Variants in UBQLN1 observed in about 807,000 individuals in gnomAD.
UBQLN1 encodes the protein ubiquilin-1.
Under a neutral mutation model 65.4 loss-of-function variants are expected in UBQLN1, and 13 were observed. The observed-to-expected ratio is 0.20, with a 90% CI of 0.13 to 0.32. The LOEUF (loss-of-function observed/expected upper bound fraction) is 0.32. Among genes scored for constraint, UBQLN1 ranks in the 10% least tolerant of loss-of-function variants. UBQLN1 has a pLI of 1.00. For missense variants in UBQLN1, 561 were observed against 724.0 expected, an observed-to-expected ratio of 0.77 and a Z score of 2.58; for synonymous variants, 267 against 247.8, an observed-to-expected ratio of 1.08 and a Z score of -0.73.
intron 2 of UBQLN1, among the ~76,000 whole-genome samples, chr9:83,684,335 C>T (rs1832001561): frequency 1.3e-5 from 2 of 151,780 alleles, no homozygotes; most frequent in African/African-American, 2.4e-5. Flanking sequence ...GCTGGGACTA[C>T]AGGTGCACAC....
chr9:83,688,655 G>A (rs1832078472), intron 1 of UBQLN1, among the ~76,000 whole-genome samples: 1 of 151,886 alleles, frequency 6.6e-6, no homozygotes, highest in Non-Finnish European at 1.5e-5. Flanking sequence ...CAGGTCAGGA[G>A]ATAGAGAACA....
chr9:83,703,722 C>T (rs1832350260), intron 1 of UBQLN1, among the ~76,000 whole-genome samples: 1 of 152,058 alleles, frequency 6.6e-6, no homozygotes, highest in African/African-American at 2.4e-5. Context: ...CTGAGTGCTC[C>T]GTGAATAATA....
At chr9:83,682,888 A>T in intron 3 of UBQLN1, 63 bp downstream of exon 3, 2 of 826,326 alleles carry the variant, frequency 2.4e-6, no homozygotes, top group Non-Finnish European at 3.7e-6. Context: ...TTTATCTGAA[A>T]CTACCCAGGA....
Position 83,677,549 on chromosome 9 carries a change from C to T in UBQLN1, c.1105+178G>A, listed in dbSNP as rs185456924. Among the ~76,000 whole-genome samples, 35 of 151,468 alleles carry T rather than the reference C, an allele frequency of 2.3e-4. No homozygotes were observed. In the East Asian group the frequency reaches 6.4e-3, roughly 28 times the overall value. ...TGTACTCCAGCCTGTGCAACAAGAG[C>T]GAAGCTCTATCTCAAAAAAACAAAA... is the stretch of plus-strand genomic sequence containing the variant. On this transcript the variant is annotated intron_variant, in intron 6 of 10. Coordinates refer to ENST00000376395, the MANE Select transcript of UBQLN1 (RefSeq NM_013438.5).
At chr9:83,679,684 A>G in intron 4 of UBQLN1, 91 bp downstream of exon 4, 1 of 1,381,716 alleles carries the variant, frequency 7.2e-7, no homozygotes, top group Non-Finnish European at 9.9e-7. Context: ...TAGCTTAACC[A>G]TACATACAGG....
At chr9:83,700,032 G>A (rs79937729) in intron 1 of UBQLN1, among the ~76,000 whole-genome samples, 2,928 of 152,130 alleles carry the variant, frequency 0.019, 47 homozygotes, top group South Asian at 0.036. Context: ...CCTGAAGAAC[G>A]GGTTGATAAA....
At chr9:83,699,278 AAATTG>A (rs1026053081) in intron 1 of UBQLN1, among the ~76,000 whole-genome samples, 1 of 152,342 alleles carries the variant, frequency 6.6e-6, no homozygotes, top group African/African-American at 2.4e-5. Context: ...CACTATTGAA[AAATTG>A]ACTTCAGTCC....
chr9:83,677,985 C>G (rs764453039), intron 5 of UBQLN1, 24 bp from the exon 6 acceptor site: 15 of 1,473,682 alleles, frequency 1.0e-5, no homozygotes, highest in Non-Finnish European at 1.4e-5. Context: ...CATAAAAAAT[C>G]ACAAAGAATA....
chr9:83,707,697 C>T lies in UBQLN1; in HGVS notation c.-18G>A, dbSNP rs1564176435. On this transcript the variant is annotated 5_prime_UTR_variant, in exon 1 of 11. Coordinates refer to ENST00000376395, the MANE Select transcript of UBQLN1 (RefSeq NM_013438.5). ...TCGGCCATGGCTGTGGCGGCGGCGGCGGCGGTGACTCAGGCAAGCAGGAGG... is the reference window on the plus strand; with the variant it reads ...TCGGCCATGGCTGTGGCGGCGGCGGTGGCGGTGACTCAGGCAAGCAGGAGG... 2 of 1,523,690 alleles carry T rather than the reference C, an allele frequency of 1.3e-6. No homozygotes were observed. Among genetic ancestry groups the T allele is most frequent in the Non-Finnish European group, 8.8e-7 (1 of 1,141,742 alleles). The allele number at this position is 1,523,690 out of a possible 1,614,324, so 94.4% of individuals were successfully genotyped here.
chr9:83,700,141 G>C (rs1012600763), intron 1 of UBQLN1, among the ~76,000 whole-genome samples: 2 of 152,138 alleles, frequency 1.3e-5, no homozygotes, highest in African/African-American at 2.4e-5. Context: ...AAAAGAAATG[G>C]ATAGCTATTC....
At chr9:83,680,601 G>A (rs994840428) in intron 3 of UBQLN1, among the ~76,000 whole-genome samples, 13 of 152,102 alleles carry the variant, frequency 8.5e-5, no homozygotes, top group African/African-American at 2.7e-4. Context: ...AGGGTTGTGC[G>A]CTGAGGAAAC....
chr9:83,667,875 T>G, intron 7 of UBQLN1: 2 of 976,210 alleles, frequency 2.0e-6, no homozygotes, highest in Non-Finnish European at 2.4e-6. Context: ...CTAAATTATC[T>G]GTAATAAAAG....
chr9:83,679,970 CTG>C lies in UBQLN1; in HGVS notation c.514_515del (p.Gln172GlufsTer10). 1 of 1,614,134 alleles carries C rather than the reference CTG, an allele frequency of 6.2e-7. No homozygotes were observed. The highest frequency in any genetic ancestry group is 8.5e-7 in the Non-Finnish European group (1 of 1,180,008). On this transcript the variant is annotated frameshift_variant, in exon 4 of 11. Coordinates refer to ENST00000376395, the MANE Select transcript of UBQLN1 (RefSeq NM_013438.5). LOFTEE classifies it high-confidence loss of function. ...ACAAAAGTTGTCGCTGCATCTGACT[CTG>C]TAGTTCAGAGAAGTTGGTAGTATTC... ...GLNTTNFSEL[Q>X]SQMQRQLLSN... is the part of the protein sequence containing the mutation.
In UBQLN1 at chr9:83,707,603, G is replaced by C. The variant is rs1832435901; in HGVS notation, c.77C>G (p.Pro26Arg). The change falls in exon 1 of 11, where the codon CCC becomes CGC. Residue 26 changes from proline (P) to arginine (R), a missense_variant. This residue lies in a region of UBQLN1 where 101 missense variants were observed against 104.9 expected (regional missense o/e 0.96). Transcript: ENST00000376395. ...GGGCTCCGCGGAGGCAGCGGCCGCGGGGGCGCCAGCACCTTCGGCTCCGGC... is the reference window on the plus strand; with the variant it reads ...GGGCTCCGCGGAGGCAGCGGCCGCGCGGGCGCCAGCACCTTCGGCTCCGGC... ...SAAGAEGAGA[P>R]AAAASAEPKI... The C allele has an allele frequency of 1.9e-6, 3 of 1,598,818 alleles. No individual in the cohort carries two copies. The highest frequency in any genetic ancestry group is 1.7e-6 in the Non-Finnish European group (2 of 1,173,386).
intron 4 of UBQLN1, 142 bp from the exon 5 acceptor site, chr9:83,678,741 G>C: frequency 3.3e-6 from 3 of 917,114 alleles, no homozygotes; most frequent in Non-Finnish European, 4.9e-6. Context: ...TTTTGAGACG[G>C]AGTCTTGCTT....
chr9:83,698,815 A>C (rs1260183586), intron 1 of UBQLN1, among the ~76,000 whole-genome samples: 1 of 152,020 alleles, frequency 6.6e-6, no homozygotes, highest in East Asian at 1.9e-4. Flanking sequence ...TGGGGGGCTA[A>C]GGCAGGAGGA....
intron 10 of UBQLN1, among the ~76,000 whole-genome samples, chr9:83,662,946 T>C (rs564096010): frequency 1.3e-5 from 2 of 151,968 alleles, no homozygotes; most frequent in East Asian, 1.9e-4. Flanking sequence ...TGTGGTGGTC[T>C]GCGCCTGTAA....
Position 83,666,349 on chromosome 9 carries a change from C to T in UBQLN1, c.1332+1G>A. The T allele has an allele frequency of 1.2e-6, 2 of 1,613,648 alleles. No individual in the cohort carries two copies. The highest frequency in any genetic ancestry group is 1.7e-6 in the Non-Finnish European group (2 of 1,179,650). Reference sequence around the variant, plus strand: ...GATAGCTAACATCTTGTCTTACTCACTTGTTGGAGGAAAGTTGGGAGCTGT... The same window carrying T: ...GATAGCTAACATCTTGTCTTACTCATTTGTTGGAGGAAAGTTGGGAGCTGT... On this transcript the variant is annotated splice_donor_variant, in intron 8 of 10. Coordinates refer to ENST00000376395, the MANE Select transcript of UBQLN1 (RefSeq NM_013438.5). LOFTEE classifies it high-confidence loss of function.
chr9:83,690,332 T>C (rs1832106085), intron 1 of UBQLN1, among the ~76,000 whole-genome samples: 1 of 152,154 alleles, frequency 6.6e-6, no homozygotes, highest in African/African-American at 2.4e-5. Context: ...CAAATGAATA[T>C]AAATTGTATG....
Sources: allele counts gnomAD v4.1 joint callset (sites outside exome capture counted in the v4.1 genomes callset), GRCh38; gene constraint gnomAD v4.1.1; regional missense constraint gnomAD v4.1.1; transcripts MANE v1.5; gene names NCBI Gene and HGNC (gene_info 2026-07-23, HGNC 2026-07-21).